LINGO2: variants seen among roughly 807,000 people sequenced by gnomAD.
LINGO2 encodes leucine-rich repeat and immunoglobulin-like domain-containing nogo receptor-interacting protein 2.
Under a neutral mutation model 30.6 loss-of-function variants are expected in LINGO2, and 14 were observed. That is an observed-to-expected ratio of 0.46 (90% CI 0.30 to 0.72). The LOEUF (loss-of-function observed/expected upper bound fraction) is 0.72, where lower values mean the gene tolerates loss of function less well. Ranked by LOEUF, LINGO2 falls within the 30% of genes least tolerant of loss-of-function variation. The pLI is 0.07. For synonymous variants in LINGO2, 317 were observed against 288.5 expected, an observed-to-expected ratio of 1.10 and a Z score of -1.00; for missense variants, 729 against 751.7, an observed-to-expected ratio of 0.97 and a Z score of 0.35.
chr9:29,109,665 T>A, the LINGO2 span, among the ~76,000 whole-genome samples: 1 of 152,226 alleles, frequency 6.6e-6, no homozygotes, highest in Non-Finnish European at 1.5e-5. Context: ...TCAGTGAGCT[T>A]GGTGAATGAG....
intron 5 of LINGO2, among the ~76,000 whole-genome samples, chr9:27,985,884 C>T (rs528388859): frequency 1.1e-4 from 16 of 151,838 alleles, no homozygotes; most frequent in South Asian, 4.1e-4. Context: ...TAAAATCAAA[C>T]GGAACTTGTT....
chr9:28,595,913 G>A (rs1289753359), intron 1 of LINGO2, among the ~76,000 whole-genome samples: 2 of 152,082 alleles, frequency 1.3e-5, no homozygotes, highest in East Asian at 1.9e-4. Flanking sequence ...TAGCTAAAAT[G>A]GGATACTTTT....
At position 28,632,120 on chromosome 9, in the gene LINGO2, A is replaced by C. The variant is rs1445803381; in HGVS notation, c.-365+38080T>G. Among the ~76,000 whole-genome samples, 3 of 152,078 alleles carry C rather than the reference A, an allele frequency of 2.0e-5. No individual in the cohort carries two copies. In the South Asian group the frequency reaches 6.2e-4, roughly 32 times the overall value. ...CATAGTGGAGTGTGACTGGTGTCTT[A>C]ATAGGAGTTAATCAAGTGGGGAAGA... On this transcript the variant is annotated intron_variant, in intron 1 of 5. Coordinates refer to ENST00000379992, the Ensembl canonical transcript of LINGO2.
chr9:28,658,689 T>C (rs1421611646), intron 1 of LINGO2, among the ~76,000 whole-genome samples: 1 of 152,118 alleles, frequency 6.6e-6, no homozygotes, highest in African/African-American at 2.4e-5. Flanking sequence ...TCCACTAATA[T>C]ATGTCTTTTG....
the LINGO2 span, among the ~76,000 whole-genome samples, chr9:29,159,476 TA>T: frequency 6.6e-6 from 1 of 152,302 alleles, no homozygotes; most frequent in Non-Finnish European, 1.5e-5. Context: ...TAAGACATTA[TA>T]AAACTCCTAA....
At chr9:28,403,357 T>C (rs1822350584) in intron 2 of LINGO2, among the ~76,000 whole-genome samples, 1 of 152,146 alleles carries the variant, frequency 6.6e-6, no homozygotes, top group East Asian at 1.9e-4. Flanking sequence ...TGGCAGGGGT[T>C]GCATTATTCT....
At chr9:28,575,002 A>G (rs559227954) in intron 1 of LINGO2, among the ~76,000 whole-genome samples, 2 of 152,358 alleles carry the variant, frequency 1.3e-5, no homozygotes, top group East Asian at 3.9e-4. Flanking sequence ...ATACAAATAC[A>G]TGATGGAATA....
the LINGO2 span, among the ~76,000 whole-genome samples, chr9:28,912,164 C>T: frequency 2.0e-5 from 3 of 151,904 alleles, no homozygotes; most frequent in African/African-American, 7.3e-5. Flanking sequence ...AACTCCAGAT[C>T]GTTATAATTG....
At chr9:28,231,908 A>ATT (rs938945448) in intron 4 of LINGO2, among the ~76,000 whole-genome samples, 84 of 151,992 alleles carry the variant, frequency 5.5e-4, no homozygotes, top group African/African-American at 2.0e-3. Context: ...ATATATATAT[A>ATT]TTTTTTCTGC....
intron 4 of LINGO2, among the ~76,000 whole-genome samples, chr9:28,144,355 A>C (rs1268295340): frequency 6.6e-6 from 1 of 152,182 alleles, no homozygotes; most frequent in Non-Finnish European, 1.5e-5. Flanking sequence ...ATTCTTGTTA[A>C]AAATACAAAT....
At position 28,470,178 on chromosome 9, in the gene LINGO2, A is replaced by G. The variant is rs543374810; in HGVS notation, c.-279+5762T>C. ...CTGGAGATTGATGTTGGTGATAGCTATACAATAATGAGAGTGTATTTAATC... is the reference window on the plus strand; with the variant it reads ...CTGGAGATTGATGTTGGTGATAGCTGTACAATAATGAGAGTGTATTTAATC... On this transcript the variant is annotated intron_variant, in intron 2 of 5. Coordinates refer to ENST00000379992, the Ensembl canonical transcript of LINGO2. Among the ~76,000 whole-genome samples, 5 of 152,286 alleles carry G rather than the reference A, an allele frequency of 3.3e-5. No homozygotes were observed. The South Asian group carries it at 6.2e-4, about 19-fold the overall frequency.
At chr9:29,010,835 T>C in the LINGO2 span, among the ~76,000 whole-genome samples, 3 of 151,522 alleles carry the variant, frequency 2.0e-5, no homozygotes, top group Admixed American at 6.6e-5. Context: ...TGAGCCAAGA[T>C]TGTGCCACTG....
At chr9:28,812,490 A>C in the LINGO2 span, among the ~76,000 whole-genome samples, 7 of 152,160 alleles carry the variant, frequency 4.6e-5, no homozygotes, top group African/African-American at 1.7e-4. Flanking sequence ...AAAGTAGGGA[A>C]CAATGTCTAT....
intron 4 of LINGO2, among the ~76,000 whole-genome samples, chr9:28,249,970 G>A (rs1009116425): frequency 1.3e-5 from 2 of 152,066 alleles, no homozygotes; most frequent in Non-Finnish European, 2.9e-5. Flanking sequence ...AAGGGGCAGC[G>A]TTTGGGTACC....
At chr9:28,256,165 T>C (rs1323501074) in intron 4 of LINGO2, among the ~76,000 whole-genome samples, 9 of 152,180 alleles carry the variant, frequency 5.9e-5, no homozygotes, top group Non-Finnish European at 1.3e-4. Context: ...TCTTGGCATT[T>C]ATTTTGTAAG....
At chr9:28,811,807 T>C in the LINGO2 span, among the ~76,000 whole-genome samples, 2 of 152,278 alleles carry the variant, frequency 1.3e-5, no homozygotes, top group East Asian at 3.9e-4. Context: ...CCTGACAATA[T>C]TGCATATTTA....
the LINGO2 span, among the ~76,000 whole-genome samples, chr9:29,000,881 T>C: frequency 6.6e-6 from 1 of 151,986 alleles, no homozygotes; most frequent in Non-Finnish European, 1.5e-5. Flanking sequence ...CTTGGGCATG[T>C]GTGGACCAGT....
intron 4 of LINGO2, among the ~76,000 whole-genome samples, chr9:28,144,730 G>A (rs953294506): frequency 1.3e-5 from 2 of 152,166 alleles, no homozygotes; most frequent in South Asian, 2.1e-4. Flanking sequence ...AACAAAAAAC[G>A]GGACTCCTGC....
chr9:28,302,513 T>C (rs1824186484), intron 3 of LINGO2, among the ~76,000 whole-genome samples: 1 of 152,090 alleles, frequency 6.6e-6, no homozygotes, highest in African/African-American at 2.4e-5. Context: ...ACCCTCTCCC[T>C]ACAAAAAAGT....
Sources: gnomAD v4.1 joint callset for allele counts (sites outside exome capture counted in the v4.1 genomes callset) on GRCh38, gnomAD v4.1.1 for gene constraint, MANE v1.5 for transcripts, NCBI Gene and HGNC (gene_info 2026-07-23, HGNC 2026-07-21) for gene names.